TAFA1: variants seen among roughly 807,000 people sequenced by gnomAD.
The protein encoded by TAFA1 is chemokine-like protein TAFA-1.
In TAFA1, 4 loss-of-function variants were observed where a neutral mutation model predicts 18.5. That is an observed-to-expected ratio of 0.22 (90% confidence interval 0.11 to 0.49). The LOEUF (loss-of-function observed/expected upper bound fraction) is 0.49, where lower values mean the gene tolerates loss of function less well. Among genes scored for constraint, TAFA1 ranks in the 20% least tolerant of loss-of-function variants. The pLI is 0.98. For synonymous variants in TAFA1, 56 were observed against 55.2 expected (o/e 1.01, Z -0.06); for missense variants, 147 against 169.0 (o/e 0.87, Z 0.72).
intron 3 of TAFA1, among the ~76,000 whole-genome samples, chr3:68,462,276 T>C (rs1251998720): frequency 6.6e-6 from 1 of 152,110 alleles, no homozygotes; most frequent in East Asian, 1.9e-4. Flanking sequence ...GTAGCTCCCA[T>C]AATTCCTACA....
intron 3 of TAFA1, among the ~76,000 whole-genome samples, chr3:68,437,530 C>A (rs1001549934): frequency 3.9e-5 from 6 of 152,032 alleles, no homozygotes; most frequent in Admixed American, 3.3e-4. Context: ...TGTAAAGTCC[C>A]AAGGCAACAC....
At chr3:68,337,237 C>T (rs1332327009) in intron 2 of TAFA1, among the ~76,000 whole-genome samples, 3 of 151,950 alleles carry the variant, frequency 2.0e-5, no homozygotes, top group Non-Finnish European at 2.9e-5. Context: ...ACAATCATGG[C>T]GAAGGCAGAC....
chr3:68,305,122 T>G (rs1575762609), intron 2 of TAFA1, among the ~76,000 whole-genome samples: 1 of 152,052 alleles, frequency 6.6e-6, no homozygotes, highest in East Asian at 1.9e-4. Flanking sequence ...CTGGGTAGCA[T>G]CCTTCCTTGT....
At chr3:68,280,491 C>A (rs1373784947) in intron 2 of TAFA1, among the ~76,000 whole-genome samples, 1 of 152,110 alleles carries the variant, frequency 6.6e-6, no homozygotes, top group Non-Finnish European at 1.5e-5. Context: ...ATGGTAAAGA[C>A]CGCTTTTTAG....
intron 3 of TAFA1, among the ~76,000 whole-genome samples, chr3:68,533,916 A>G (rs1181026673): frequency 6.6e-6 from 1 of 152,186 alleles, no homozygotes; most frequent in Admixed American, 6.5e-5. Flanking sequence ...TGGAATATAA[A>G]AGGATATATA....
intron 2 of TAFA1, among the ~76,000 whole-genome samples, chr3:68,218,249 C>A (rs1017474990): frequency 1.3e-5 from 2 of 152,086 alleles, no homozygotes; most frequent in African/African-American, 4.8e-5. Context: ...TTTTTCTCAA[C>A]ATCGACTGGC....
At chr3:68,162,214 G>C (rs888751641) in intron 2 of TAFA1, among the ~76,000 whole-genome samples, 3 of 152,104 alleles carry the variant, frequency 2.0e-5, no homozygotes, top group Non-Finnish European at 4.4e-5. Flanking sequence ...TTTCTCAGTG[G>C]TCTAGACCAG....
chr3:68,457,860 G>T (rs182351883), intron 3 of TAFA1, among the ~76,000 whole-genome samples: 2 of 152,014 alleles, frequency 1.3e-5, no homozygotes, highest in African/African-American at 4.8e-5. Flanking sequence ...TTTAGAGTCC[G>T]CATATAAATG....
intron 2 of TAFA1, among the ~76,000 whole-genome samples, chr3:68,390,150 A>G (rs1325156320): frequency 1.3e-5 from 2 of 152,140 alleles, no homozygotes; most frequent in Non-Finnish European, 2.9e-5. Context: ...TCAACCTGGG[A>G]TGCTCAAGCT....
intron 2 of TAFA1, among the ~76,000 whole-genome samples, chr3:68,184,459 G>A (rs923830611): frequency 1.3e-5 from 2 of 152,114 alleles, no homozygotes; most frequent in African/African-American, 4.8e-5. Context: ...AGCACTGTGT[G>A]CATGTGTGTG....
At chr3:68,333,007 T>C (rs2068908503) in intron 2 of TAFA1, among the ~76,000 whole-genome samples, 1 of 152,196 alleles carries the variant, frequency 6.6e-6, no homozygotes, top group Non-Finnish European at 1.5e-5. Flanking sequence ...AAATAACAGA[T>C]GCTGGTGAGG....
chr3:68,048,589 A>G (rs995713388), intron 2 of TAFA1, among the ~76,000 whole-genome samples: 17 of 152,010 alleles, frequency 1.1e-4, no homozygotes, highest in Admixed American at 1.1e-3. Flanking sequence ...AACTATCCCT[A>G]GTTTCCCCTT....
intron 2 of TAFA1, among the ~76,000 whole-genome samples, chr3:68,158,757 C>A (rs555912135): frequency 6.6e-6 from 1 of 152,166 alleles, no homozygotes; most frequent in East Asian, 1.9e-4. Context: ...CTTTCTTTTA[C>A]AAATATATGC....
chr3:68,361,477 C>A (rs1305838535), intron 2 of TAFA1, among the ~76,000 whole-genome samples: 1 of 151,922 alleles, frequency 6.6e-6, no homozygotes, highest in Non-Finnish European at 1.5e-5. Flanking sequence ...TTCAAAGTAG[C>A]TACAAGAGAG....
chr3:68,241,059 C>T (rs1049153371), intron 2 of TAFA1, among the ~76,000 whole-genome samples: 1 of 152,086 alleles, frequency 6.6e-6, no homozygotes, highest in Non-Finnish European at 1.5e-5. Flanking sequence ...TAAATCGTCA[C>T]AGCATATTTT....
At chr3:68,222,192 T>TA (rs5849807) in intron 2 of TAFA1, among the ~76,000 whole-genome samples, 102,112 of 152,032 alleles carry the variant, frequency 0.67, 34,623 homozygotes, top group Middle Eastern at 0.81. Flanking sequence ...AAACCAAGCC[T>TA]AAAAACAGTT....
chr3:68,507,792 G>A (rs572308889), intron 3 of TAFA1, among the ~76,000 whole-genome samples: 7 of 152,116 alleles, frequency 4.6e-5, no homozygotes, highest in Non-Finnish European at 8.8e-5. Flanking sequence ...TACAAAAACC[G>A]CACAACCCCT....
chr3:68,416,139 A>G (rs1048465234), intron 2 of TAFA1, among the ~76,000 whole-genome samples: 1 of 152,174 alleles, frequency 6.6e-6, no homozygotes, highest in African/African-American at 2.4e-5. Flanking sequence ...GGAGGGAGCA[A>G]CATCACACCC....
At chr3:68,514,834 G>T (rs1194394636) in intron 3 of TAFA1, among the ~76,000 whole-genome samples, 1 of 152,090 alleles carries the variant, frequency 6.6e-6, no homozygotes, top group Non-Finnish European at 1.5e-5. Context: ...CAAAGAGATT[G>T]TTCCAGTTTT....
Sources: gnomAD v4.1 joint callset for allele counts (sites outside exome capture counted in the v4.1 genomes callset) on GRCh38, gnomAD v4.1.1 for gene constraint, MANE v1.5 for transcripts, NCBI Gene and HGNC (gene_info 2026-07-23, HGNC 2026-07-21) for gene names.